The following TBC1D12 variants were observed in gnomAD, a reference collection of about 807,000 sequenced individuals.
The protein encoded by TBC1D12 is TBC1 domain family member 12, also known as TBC1 domain family, member 12.
Under a neutral mutation model 86.7 loss-of-function variants are expected in TBC1D12, and 56 were observed. The ratio of observed to expected loss-of-function variants is 0.65; its 90% CI spans 0.52 to 0.81. The LOEUF is 0.81. TBC1D12 is among the 30% of genes least tolerant of loss of function. The pLI, the probability that TBC1D12 is intolerant of heterozygous loss-of-function variation, is 0.00. For synonymous variants in TBC1D12, 421 were observed against 411.7 expected (o/e 1.02, Z -0.27); for missense variants, 1,023 against 1,038.8 (o/e 0.98, Z 0.21).
At chr10:94,519,016 G>A (rs571471082) in intron 9 of TBC1D12, among the ~76,000 whole-genome samples, 16 of 152,184 alleles carry the variant, frequency 1.1e-4, no homozygotes, top group East Asian at 3.9e-4. Flanking sequence ...GGAAGGTTGC[G>A]GTGAGCCAAT....
chr10:94,487,644 T>G lies in TBC1D12; in HGVS notation c.1212-5721T>G, dbSNP rs1363918572. Among the ~76,000 whole-genome samples the G allele has an allele frequency of 2.0e-5, 3 of 152,008 alleles. No homozygotes were observed. The East Asian group carries it at 5.8e-4, about 29-fold the overall frequency. On this transcript the variant is annotated intron_variant, in intron 3 of 12. Coordinates refer to ENST00000225235, the MANE Select transcript of TBC1D12 (RefSeq NM_015188.2). The stretch of plus-strand genomic sequence containing the variant: ...CCTCCTGCTTTTTTGTTGTTTCACT[T>G]TTTTAAAAAAACTTTTTGTTGTTTC...
chr10:94,408,920 T>C (rs1483022357), intron 1 of TBC1D12, among the ~76,000 whole-genome samples: 1 of 152,222 alleles, frequency 6.6e-6, no homozygotes, highest in African/African-American at 2.4e-5. Context: ...TTCAAACCTG[T>C]TTTGTTCAGG....
At chr10:94,471,718 T>G (rs1360174211) in intron 2 of TBC1D12, among the ~76,000 whole-genome samples, 1 of 152,254 alleles carries the variant, frequency 6.6e-6, no homozygotes, top group Admixed American at 6.5e-5. Context: ...TATACTTTAT[T>G]TTTTGTTGTT....
In TBC1D12 at chr10:94,474,666, A is replaced by T. The variant is rs1171709235; in HGVS notation, c.1096-2A>T. The T allele has an allele frequency of 6.2e-7, 1 of 1,612,094 alleles. No homozygotes were observed. The highest frequency in any genetic ancestry group is 8.5e-7 in the Non-Finnish European group (1 of 1,178,342). ...CATAAGGTATGTTTTAATTTACTCT[A>T]GGAATATGAAGCACGAACGGGGAGG... On this transcript the variant is annotated splice_acceptor_variant, in intron 2 of 12. Transcript: ENST00000225235. LOFTEE classifies it high-confidence loss of function.
intron 12 of TBC1D12, among the ~76,000 whole-genome samples, chr10:94,531,845 TTA>T (rs376964960): frequency 2.5e-5 from 3 of 119,426 alleles, no homozygotes; most frequent in African/African-American, 1.1e-4. Flanking sequence ...TTATTTTATT[TTA>T]TGTTATTTTA....
chr10:94,433,719 G>A (rs73327425), intron 1 of TBC1D12, among the ~76,000 whole-genome samples: 3,848 of 152,130 alleles, frequency 0.025, 164 homozygotes, highest in African/African-American at 0.085. Context: ...GGTTTTCTCC[G>A]TCTGCTGCTA....
In TBC1D12 at chr10:94,402,906, C is replaced by G. The variant is rs748718054; in HGVS notation, c.293C>G (p.Pro98Arg). The change falls in exon 1 of 13, where the codon CCG becomes CGG. Residue 98 changes from proline to arginine, a missense_variant. Pro to Arg is a moderately radical substitution (Grantham distance 103, BLOSUM62 -2). Around this residue, in one of 2 missense-constraint regions of TBC1D12, gnomAD observed 628 missense variants for 531.1 expected, o/e 1.18. Coordinates refer to ENST00000225235, the MANE Select transcript of TBC1D12 (RefSeq NM_015188.2). Reference sequence around the variant, plus strand: ...CTCCCCGCTGGCCAGGCCGGCGCCCCGCCGCCCTCGGCAGCCCCACGATCG... The same window carrying G: ...CTCCCCGCTGGCCAGGCCGGCGCCCGGCCGCCCTCGGCAGCCCCACGATCG... ...CPLPAGQAGA[P>R]PPSAAPRSDA... 1.2e-5 allele frequency: 18 copies of G among 1,493,478 alleles called. No individual in the cohort carries two copies. Among genetic ancestry groups the G allele is most frequent in the Admixed American group, 4.8e-5 (2 of 41,522 alleles). The allele number at this position is 1,493,478 out of a possible 1,614,324, so 92.5% of individuals were successfully genotyped here.
rs565345822 is a variant in TBC1D12, at chr10:94,437,091, G to A, written c.972-4805G>A. On this transcript the variant is annotated intron_variant, in intron 1 of 12. Coordinates refer to ENST00000225235, the MANE Select transcript of TBC1D12 (RefSeq NM_015188.2). The stretch of plus-strand genomic sequence containing the variant: ...TTTTTCCTTTCTGACCTTTAAATAT[G>A]TAATCTTACTTCTGGCCTCCATGGT... 9.9e-5 allele frequency among the ~76,000 whole-genome samples: 15 copies of A among 151,686 alleles called. No homozygotes were observed. In the South Asian group the frequency reaches 3.1e-3, roughly 32 times the overall value.
Position 94,532,964 on chromosome 10 carries a change from T to C in TBC1D12, c.2260-64T>C, listed in dbSNP as rs565054572. ...TTTTCATGTTTATGAACTATAGTTA[T>C]TTAAATCTCTTTAATCTGGGTGGTA... On this transcript the variant is annotated intron_variant, in intron 12 of 12. Coordinates refer to ENST00000225235, the MANE Select transcript of TBC1D12 (RefSeq NM_015188.2). The C allele has an allele frequency of 1.7e-5, 16 of 920,558 alleles. No individual in the cohort carries two copies. In the African/African-American group the frequency reaches 2.0e-4, roughly 12 times the overall value. The allele number at this position is 920,558 out of a possible 1,614,324, so 57.0% of individuals were successfully genotyped here. A position where few individuals can be genotyped will look rare whatever the true frequency, so the allele number is the denominator to read the frequency against.
chr10:94,479,560 T>A (rs2056046311), intron 3 of TBC1D12, among the ~76,000 whole-genome samples: 1 of 152,086 alleles, frequency 6.6e-6, no homozygotes, highest in Non-Finnish European at 1.5e-5. Flanking sequence ...GACTTAAGGC[T>A]AGGATTTTGG....
At chr10:94,424,208 A>G (rs566774213) in intron 1 of TBC1D12, among the ~76,000 whole-genome samples, 119 of 152,338 alleles carry the variant, frequency 7.8e-4, no homozygotes, top group African/African-American at 2.6e-3. Context: ...GGACAACTGT[A>G]TATTTTTCCT....
At chr10:94,465,767 C>CATAT (rs2055804035) in intron 2 of TBC1D12, among the ~76,000 whole-genome samples, 1 of 148,838 alleles carries the variant, frequency 6.7e-6, no homozygotes, top group African/African-American at 2.5e-5. Flanking sequence ...TACATACATA[C>CATAT]GTATACGCAT....
At chr10:94,498,481 T>G (rs1422416708) in intron 5 of TBC1D12, among the ~76,000 whole-genome samples, 2 of 152,092 alleles carry the variant, frequency 1.3e-5, no homozygotes, top group African/African-American at 2.4e-5. Context: ...TGAGACAGAG[T>G]CTCCCTCTGT....
At chr10:94,526,081 T>A (rs1382813361) in intron 11 of TBC1D12, among the ~76,000 whole-genome samples, 1 of 152,160 alleles carries the variant, frequency 6.6e-6, no homozygotes. Flanking sequence ...TCAGCCTATC[T>A]CTTCCTTCTC....
intron 2 of TBC1D12, among the ~76,000 whole-genome samples, chr10:94,446,217 A>T (rs892413917): frequency 6.6e-6 from 1 of 152,234 alleles, no homozygotes; most frequent in South Asian, 2.1e-4. Context: ...ATAAAACTGT[A>T]TCTGAGTTCC....
At chr10:94,516,462 C>T (rs112885965) in intron 9 of TBC1D12, among the ~76,000 whole-genome samples, 1,852 of 152,020 alleles carry the variant, frequency 0.012, 54 homozygotes, top group African/African-American at 0.043. Context: ...TACATGTGCA[C>T]AACGTGCAGG....
rs565039161 is a variant in TBC1D12, at chr10:94,421,701, GA to G, written c.971+18126del. On this transcript the variant is annotated intron_variant, in intron 1 of 12. Coordinates refer to ENST00000225235, the MANE Select transcript of TBC1D12 (RefSeq NM_015188.2). ...TCTATGTTCTTGTTATTTTCTTTCA[GA>G]AAAAAAAATTACAGCCATCCTAATG... Among the ~76,000 whole-genome samples the G allele has an allele frequency of 1.5e-4, 23 of 151,288 alleles. No individual in the cohort carries two copies. In the East Asian group the frequency reaches 3.7e-3, roughly 24 times the overall value.
intron 6 of TBC1D12, among the ~76,000 whole-genome samples, chr10:94,506,502 A>C (rs1169334994): frequency 6.6e-6 from 1 of 152,142 alleles, no homozygotes; most frequent in African/African-American, 2.4e-5. Flanking sequence ...GAAATGTCCT[A>C]TTTTTATGTA....
chr10:94,502,297 A>T (rs2056408229), intron 6 of TBC1D12, among the ~76,000 whole-genome samples: 3 of 152,102 alleles, frequency 2.0e-5, no homozygotes, highest in Non-Finnish European at 4.4e-5. Context: ...GCGTCATTGC[A>T]CTCCAGCCTG....
Sources: allele counts gnomAD v4.1 joint callset (sites outside exome capture counted in the v4.1 genomes callset), GRCh38; gene constraint gnomAD v4.1.1; regional missense constraint gnomAD v4.1.1; transcripts MANE v1.5; gene names NCBI Gene and HGNC (gene_info 2026-07-23, HGNC 2026-07-21).